The following ENO4 variants were observed in gnomAD, a reference collection of about 807,000 sequenced individuals.
The protein encoded by ENO4 is enolase 4, also known as 2-phospho-D-glycerate hydro-lyase.
Under a neutral mutation model 63.2 loss-of-function variants are expected in ENO4, and 53 were observed. The observed-to-expected ratio is 0.84, with a 90% confidence interval of 0.67 to 1.05. The LOEUF (loss-of-function observed/expected upper bound fraction) is 1.05, where lower values mean the gene tolerates loss of function less well. Among genes scored for constraint, ENO4 ranks in the 50% least tolerant of loss-of-function variants. The pLI is 0.00. For missense variants in ENO4, 719 were observed against 772.0 expected, an observed-to-expected ratio of 0.93 and a Z score of 0.81; for synonymous variants, 266 against 283.8, an observed-to-expected ratio of 0.94 and a Z score of 0.63.
intron 10 of ENO4, chr10:116,901,707 C>A: frequency 7.0e-7 from 1 of 1,431,222 alleles, no homozygotes; most frequent in Non-Finnish European, 9.1e-7. Flanking sequence ...AAGAAACACA[C>A]AAGTTAGTCA....
chr10:116,854,213 G>A (rs1310865158), intron 1 of ENO4, among the ~76,000 whole-genome samples: 1 of 152,062 alleles, frequency 6.6e-6, no homozygotes, highest in Non-Finnish European at 1.5e-5. Flanking sequence ...AGATACAGCC[G>A]TCACGTAAGT....
At chr10:116,892,409 T>C (rs932989874) in intron 10 of ENO4, among the ~76,000 whole-genome samples, 12 of 152,214 alleles carry the variant, frequency 7.9e-5, no homozygotes, top group African/African-American at 2.9e-4. Context: ...AGCTTCGTTT[T>C]TTAGCTTTTT....
intron 11 of ENO4, among the ~76,000 whole-genome samples, chr10:116,876,564 C>T (rs1025519415): frequency 6.6e-6 from 1 of 152,252 alleles, no homozygotes; most frequent in Non-Finnish European, 1.5e-5. Flanking sequence ...AACAGGAGGA[C>T]TAATGGCTGA....
chr10:116,863,290 G>C (rs779231093), intron 7 of ENO4, among the ~76,000 whole-genome samples: 17 of 151,614 alleles, frequency 1.1e-4, no homozygotes, highest in Non-Finnish European at 1.9e-4. Flanking sequence ...TGTTCTAAAT[G>C]GGCAGTGCAC....
chr10:116,855,079 G>A (rs1207764867), intron 1 of ENO4, among the ~76,000 whole-genome samples: 2 of 152,032 alleles, frequency 1.3e-5, no homozygotes, highest in Non-Finnish European at 2.9e-5. Context: ...TGAATCACGA[G>A]GTCAAGAGAT....
chr10:116,850,223 G>A (rs1846035377), intron 1 of ENO4: 1 of 221,504 alleles, frequency 4.5e-6, no homozygotes, highest in Admixed American at 5.5e-5. Flanking sequence ...CTGCCGGGAT[G>A]CCAGTTAATA....
At chr10:116,909,078 T>G (rs1385583505) in intron 10 of ENO4, among the ~76,000 whole-genome samples, 1 of 152,214 alleles carries the variant, frequency 6.6e-6, no homozygotes, top group Non-Finnish European at 1.5e-5. Flanking sequence ...GAAATTAACT[T>G]AGAAACTGTG....
chr10:116,899,946 CT>C (rs533833975), intron 10 of ENO4, among the ~76,000 whole-genome samples: 1,834 of 152,212 alleles, frequency 0.012, 21 homozygotes, highest in Non-Finnish European at 0.019. Context: ...ACTGTTAAAG[CT>C]TACATGTAAC....
rs756132878 is a variant in ENO4 at position 116,861,163 on chromosome 10, A to G, written c.909A>G (p.Ile303Met). Residue 303 changes from isoleucine to methionine, a missense_variant, in exon 6 of 14, where the codon ATA (isoleucine) becomes ATG (methionine). Around this residue, in one of 3 missense-constraint regions of ENO4, gnomAD observed 544 missense variants for 583.6 expected, o/e 0.93. Transcript: ENST00000341276. ...ATTTAATGAAAGAAGTGATTTGTAT[A>G]CCCCATCCTGAATTAACAACCAAAC... ...KLNLMKEVIC[I>M]PHPELTTKQG... The G allele has an allele frequency of 1.3e-6, 2 of 1,525,048 alleles. No individual in the cohort carries two copies. Among genetic ancestry groups the G allele is most frequent in the South Asian group, 2.5e-5 (2 of 79,528 alleles). The allele number at this position is 1,525,048 out of a possible 1,614,324, so 94.5% of individuals were successfully genotyped here.
intron 10 of ENO4, among the ~76,000 whole-genome samples, chr10:116,906,086 A>C (rs1847958558): frequency 6.6e-6 from 1 of 152,262 alleles, no homozygotes; most frequent in African/African-American, 2.4e-5. Context: ...ACTGATGTGT[A>C]ATTTCTACTG....
At chr10:116,901,885 T>G in intron 10 of ENO4, 1 of 1,608,606 alleles carries the variant, frequency 6.2e-7, no homozygotes, top group Non-Finnish European at 8.5e-7. Flanking sequence ...CAAGGCTGTT[T>G]TTGTTACACT....
In ENO4 at chr10:116,876,092, C is replaced by T. The variant is rs1183889097; in HGVS notation, c.1369C>T (p.His457Tyr). Reference protein sequence around the residue: ...EDSEQWDSIYHALGSRCYIIA... With the variant: ...EDSEQWDSIYYALGSRCYIIA... ...CTCTGAACAGTGGGACAGCATCTAT[C>T]ACGCACTTGGTTCCAGGTGTTACAT... Residue 457 changes from histidine to tyrosine, a missense_variant, in exon 11 of 14, where the codon CAC becomes TAC. Physicochemically the swap from His to Tyr is moderately conservative, Grantham distance 83. This residue lies in a region of ENO4 where 544 missense variants were observed against 583.6 expected (regional missense o/e 0.93). Coordinates refer to ENST00000341276, the MANE Select transcript of ENO4 (RefSeq NM_001242699.2). The T allele has an allele frequency of 6.5e-7, 1 of 1,549,032 alleles. No homozygotes were observed. Among genetic ancestry groups the T allele is most frequent in the Non-Finnish European group, 8.7e-7 (1 of 1,146,342 alleles).
chr10:116,874,956 G>A (rs373897617), intron 10 of ENO4, among the ~76,000 whole-genome samples: 6 of 152,144 alleles, frequency 3.9e-5, no homozygotes, highest in African/African-American at 1.2e-4. Flanking sequence ...TTACAGGCAT[G>A]AGCCACTGTG....
chr10:116,881,739 C>A lies in ENO4; in HGVS notation c.*70C>A. 8.3e-7 allele frequency: 1 copy of A among 1,197,622 alleles called. No individual in the cohort carries two copies. The highest frequency in any genetic ancestry group is 1.1e-6 in the Non-Finnish European group (1 of 920,458). The allele number at this position is 1,197,622 out of a possible 1,614,324, so 74.2% of individuals were successfully genotyped here. On this transcript the variant is annotated 3_prime_UTR_variant, in exon 14 of 14. Coordinates refer to ENST00000341276, the MANE Select transcript of ENO4 (RefSeq NM_001242699.2). Reference sequence around the variant, plus strand: ...GACCGGGAGGTCTGAAGTACGGCGCCGTGTCTCCACATGGAGTTTCCTCTT... The same window carrying A: ...GACCGGGAGGTCTGAAGTACGGCGCAGTGTCTCCACATGGAGTTTCCTCTT...
chr10:116,876,773 A>G (rs1846845076), intron 11 of ENO4, among the ~76,000 whole-genome samples: 1 of 151,580 alleles, frequency 6.6e-6, no homozygotes, highest in Non-Finnish European at 1.5e-5. Context: ...ACACGGTGAA[A>G]CCCCCATCTC....
At position 116,907,831 on chromosome 10, in the gene ENO4, A is replaced by G. The variant is rs565319226; in HGVS notation, c.1195-3668A>G. ...CAGAGTCAAAAGACAGCTTTTGTCC[A>G]CCAAGGCTAATAATCTTGCCAGCCT... On this transcript the variant is annotated intron_variant, in intron 10 of 10. Transcript: ENST00000369207. 3.3e-5 allele frequency: 17 copies of G among 508,434 alleles called. No homozygotes were observed. In the East Asian group the frequency reaches 8.8e-4, roughly 26 times the overall value. 31.5% of individuals were successfully genotyped at this position (508,434 alleles called of 1,614,324 possible). A position where few individuals can be genotyped will look rare whatever the true frequency, so the allele number is the denominator to read the frequency against.
chr10:116,849,683 G>C lies in ENO4; in HGVS notation c.117G>C (p.Leu39=), dbSNP rs1050635386. ...ACGTTCCGCGCAGGCTGGAAGAGCT[G>C]CTCAACTCCACCTTCTACCTCCAGC... ...ENDVPRRLEE[L]LNSTFYLQPA... Residue 39 remains leucine (L), a synonymous_variant, in exon 1 of 14, where the codon CTG becomes CTC. Coordinates refer to ENST00000341276, the MANE Select transcript of ENO4 (RefSeq NM_001242699.2). 3.9e-6 allele frequency: 6 copies of C among 1,548,732 alleles called. No homozygotes were observed. In the African/African-American group the frequency reaches 8.2e-5, roughly 21 times the overall value.
At chr10:116,857,806 T>A in intron 3 of ENO4, among the ~76,000 whole-genome samples, 1 of 152,148 alleles carries the variant, frequency 6.6e-6, no homozygotes, top group South Asian at 2.1e-4. Flanking sequence ...CCCAGCTAAT[T>A]TTTTATTTTT....
chr10:116,851,679 C>T (rs184028115), intron 1 of ENO4, among the ~76,000 whole-genome samples: 3 of 152,250 alleles, frequency 2.0e-5, no homozygotes, highest in Admixed American at 6.5e-5. Context: ...GTGGCTTTCC[C>T]GTGCTTGCTG....
Sources: gnomAD v4.1 joint callset for allele counts (sites outside exome capture counted in the v4.1 genomes callset) on GRCh38, gnomAD v4.1.1 for gene constraint, gnomAD v4.1.1 regional missense constraint, MANE v1.5 for transcripts, NCBI Gene and HGNC (gene_info 2026-07-23, HGNC 2026-07-21) for gene names.